Variants in ABTB3 observed in about 807,000 individuals in gnomAD.
The protein encoded by ABTB3 is ankyrin repeat- and BTB/POZ domain-containing protein 3.
At chr12:107,335,349 T>G in the ABTB3 span, among the ~76,000 whole-genome samples, 1 of 137,676 alleles carries the variant, frequency 7.3e-6, no homozygotes, top group Non-Finnish European at 1.5e-5. Flanking sequence ...ATGTACTTAT[T>G]GGGAACCACA....
the ABTB3 span, among the ~76,000 whole-genome samples, chr12:107,637,827 TGTGTGTGG>T: frequency 8.7e-6 from 1 of 115,512 alleles, no homozygotes; most frequent in African/African-American, 2.8e-5. Context: ...TGTGTGTGTG[TGTGTGTGG>T]TATGGTGTCC....
the ABTB3 span, among the ~76,000 whole-genome samples, chr12:107,645,148 G>A: frequency 2.0e-5 from 3 of 152,024 alleles, no homozygotes; most frequent in Admixed American, 6.5e-5. Context: ...TGTATTTTTA[G>A]TAGAGACGGG....
the ABTB3 span, among the ~76,000 whole-genome samples, chr12:107,368,580 T>C: frequency 2.0e-5 from 3 of 152,198 alleles, no homozygotes. Flanking sequence ...CTTGTTCCCA[T>C]ATGGACCCCA....
chr12:107,319,099 G>A, the ABTB3 span: 3 of 1,608,820 alleles, frequency 1.9e-6, no homozygotes, highest in Non-Finnish European at 2.5e-6. Context: ...GCTGCTGGCC[G>A]CCTCTAGCTG....
chr12:107,392,682 T>C, the ABTB3 span, among the ~76,000 whole-genome samples: 2 of 152,180 alleles, frequency 1.3e-5, no homozygotes, highest in Non-Finnish European at 1.5e-5. Context: ...CATGTTTCCA[T>C]AGCAATCAGT....
the ABTB3 span, among the ~76,000 whole-genome samples, chr12:107,525,324 C>CAAAAAAAAAAAAAAAAAAAAAAA: frequency 1.1e-3 from 39 of 34,888 alleles, no homozygotes; most frequent in African/African-American, 1.1e-3. Flanking sequence ...AAGATCCTGT[C>CAAAAAAAAAAAAAAAAAAAAAAA]AAAAAAAAAA....
At chr12:107,448,822 C>T in the ABTB3 span, among the ~76,000 whole-genome samples, 2 of 152,156 alleles carry the variant, frequency 1.3e-5, no homozygotes, top group Non-Finnish European at 2.9e-5. Context: ...CCGCCCGCCT[C>T]GTCCTCCCAA....
chr12:107,532,956 A>G, the ABTB3 span, among the ~76,000 whole-genome samples: 2 of 152,234 alleles, frequency 1.3e-5, no homozygotes, highest in African/African-American at 4.8e-5. Context: ...AAGGAGAAAT[A>G]GTCTTCCCAG....
the ABTB3 span, among the ~76,000 whole-genome samples, chr12:107,530,111 CAGA>C: frequency 2.0e-5 from 3 of 152,096 alleles, no homozygotes; most frequent in Admixed American, 6.5e-5. Flanking sequence ...AAAACAAGAA[CAGA>C]AGAAGGGAAC....
chr12:107,638,904 G>A, the ABTB3 span, among the ~76,000 whole-genome samples: 799 of 152,254 alleles, frequency 5.2e-3, no homozygotes, highest in Non-Finnish European at 8.4e-3. Flanking sequence ...CCACCTTTCC[G>A]TACTAGACAC....
chr12:107,516,184 A>C, the ABTB3 span, among the ~76,000 whole-genome samples: 2 of 152,146 alleles, frequency 1.3e-5, no homozygotes, highest in East Asian at 3.9e-4. Flanking sequence ...CTGATTATGG[A>C]AACATTAAAA....
chr12:107,505,017 G>A, the ABTB3 span, among the ~76,000 whole-genome samples: 4 of 152,316 alleles, frequency 2.6e-5, no homozygotes, highest in Non-Finnish European at 5.9e-5. Flanking sequence ...TTAAACAAGT[G>A]TCAGTGAGAC....
At chr12:107,504,524 A>C in the ABTB3 span, among the ~76,000 whole-genome samples, 1 of 152,236 alleles carries the variant, frequency 6.6e-6, no homozygotes, top group Non-Finnish European at 1.5e-5. Context: ...TGTTTAATTA[A>C]AGATAATCAG....
the ABTB3 span, among the ~76,000 whole-genome samples, chr12:107,359,150 C>T: frequency 1.3e-5 from 2 of 152,192 alleles, no homozygotes; most frequent in African/African-American, 4.8e-5. Flanking sequence ...AAAAGTCAGA[C>T]GTGGTGCCTG....
At chr12:107,583,236 G>T in the ABTB3 span, among the ~76,000 whole-genome samples, 1 of 152,130 alleles carries the variant, frequency 6.6e-6, no homozygotes, top group African/African-American at 2.4e-5. Flanking sequence ...CCTATAAAGC[G>T]GTCATTTTTA....
At chr12:107,578,288 A>T in the ABTB3 span, among the ~76,000 whole-genome samples, 1 of 151,674 alleles carries the variant, frequency 6.6e-6, no homozygotes, top group African/African-American at 2.4e-5. Context: ...GAGAGGCTGG[A>T]ATCCTGAGGT....
chr12:107,564,645 C>T, the ABTB3 span, among the ~76,000 whole-genome samples: 1 of 152,216 alleles, frequency 6.6e-6, no homozygotes, highest in African/African-American at 2.4e-5. Flanking sequence ...TTTAACCCAA[C>T]AAACATTTAT....
the ABTB3 span, among the ~76,000 whole-genome samples, chr12:107,344,577 A>G: frequency 6.6e-6 from 1 of 152,298 alleles, no homozygotes; most frequent in South Asian, 2.1e-4. Context: ...TTGTTGAATG[A>G]TTCACCTTGA....
the ABTB3 span, among the ~76,000 whole-genome samples, chr12:107,556,154 G>A: frequency 6.6e-6 from 1 of 151,540 alleles, no homozygotes; most frequent in African/African-American, 2.4e-5. Flanking sequence ...GAGTGCAATG[G>A]TGCGATCTCG....
Sources: allele counts gnomAD v4.1 joint callset (sites outside exome capture counted in the v4.1 genomes callset), GRCh38; gene constraint gnomAD v4.1.1; transcripts MANE v1.5; gene names NCBI Gene and HGNC (gene_info 2026-07-23, HGNC 2026-07-21).